GRID2: variants seen among roughly 807,000 people sequenced by gnomAD.
GRID2 encodes the protein glutamate ionotropic receptor delta type subunit 2, also known as glutamate receptor ionotropic, delta-2.
Under a neutral mutation model 114.8 loss-of-function variants are expected in GRID2, and 33 were observed. The observed-to-expected ratio is 0.29, with a 90% confidence interval of 0.22 to 0.38. The LOEUF (loss-of-function observed/expected upper bound fraction) is 0.38, where lower values mean the gene tolerates loss of function less well. Among genes scored for constraint, GRID2 ranks in the 10% least tolerant of loss-of-function variants. The probability of loss-of-function intolerance (pLI) is 1.00; values close to 1 mark genes in which losing one functional copy is unlikely to be tolerated. For missense variants in GRID2, 1,184 were observed against 1,257.7 expected (o/e 0.94, Z 0.89); for synonymous variants, 505 against 449.9 (o/e 1.12, Z -1.55).
chr4:93,034,190 A>G (rs1413995360), intron 2 of GRID2, among the ~76,000 whole-genome samples: 1 of 152,198 alleles, frequency 6.6e-6, no homozygotes, highest in Non-Finnish European at 1.5e-5. Context: ...TTCCAGTAAC[A>G]TTTAACAACA....
At chr4:92,976,428 G>A (rs1753877614) in intron 2 of GRID2, among the ~76,000 whole-genome samples, 2 of 152,010 alleles carry the variant, frequency 1.3e-5, no homozygotes, top group South Asian at 4.1e-4. Flanking sequence ...TGCAGTTGTA[G>A]CAATTGAACC....
At chr4:92,965,478 A>AAAAAAAAAAAAAAAAAAC (rs1560752180) in intron 2 of GRID2, among the ~76,000 whole-genome samples, 1 of 100,954 alleles carries the variant, frequency 9.9e-6, no homozygotes, top group African/African-American at 3.7e-5. Context: ...AAAAAAAAAA[A>AAAAAAAAAAAAAAAAAAC]AAAAAAAAAA....
chr4:92,657,879 T>G (rs1358359756), intron 2 of GRID2, among the ~76,000 whole-genome samples: 1 of 151,754 alleles, frequency 6.6e-6, no homozygotes, highest in African/African-American at 2.4e-5. Flanking sequence ...CTGTGCATGC[T>G]GTGGCAAATT....
intron 8 of GRID2, among the ~76,000 whole-genome samples, chr4:93,316,324 GAAAGAAAGAAAGA>G (rs1756631558): frequency 4.0e-5 from 2 of 49,572 alleles, no homozygotes; most frequent in Non-Finnish European, 8.0e-5. Flanking sequence ...AAGAAAGAAA[GAAAGAAAGAAAGA>G]AAGAAGGAAG....
intron 2 of GRID2, among the ~76,000 whole-genome samples, chr4:92,875,029 A>G (rs1745519528): frequency 6.6e-6 from 1 of 152,172 alleles, no homozygotes; most frequent in Admixed American, 6.6e-5. Context: ...TTGTAATTAG[A>G]AAACAACTGG....
intron 13 of GRID2, among the ~76,000 whole-genome samples, chr4:93,519,528 C>A (rs916569062): frequency 6.6e-6 from 1 of 152,220 alleles, no homozygotes; most frequent in East Asian, 1.9e-4. Flanking sequence ...AGGTAAGGAT[C>A]TGACCAGAAA....
intron 1 of GRID2, among the ~76,000 whole-genome samples, chr4:92,483,159 G>A (rs994006099): frequency 3.9e-5 from 6 of 152,034 alleles, no homozygotes; most frequent in African/African-American, 1.2e-4. Flanking sequence ...CCAATATGGC[G>A]AAAACCTGTC....
rs1734304883 is a variant in GRID2 at position 93,774,418 on chromosome 4, A to G, written c.*1920A>G. 1 of 152,152 alleles carries G rather than the reference A, an allele frequency of 6.6e-6. No individual in the cohort carries two copies. The highest frequency in any genetic ancestry group is 6.5e-5 in the Admixed American group (1 of 15,274). The allele number at this position is 152,152 out of a possible 1,614,324, so 9.4% of individuals were successfully genotyped here. The stretch of plus-strand genomic sequence containing the variant: ...ATCAACAAACTGTTAACCATGTACA[A>G]TATTTAAAATAGGCTTATTTTGATG... On this transcript the variant is annotated 3_prime_UTR_variant, in exon 16 of 16. Coordinates refer to ENST00000282020, the MANE Select transcript of GRID2 (RefSeq NM_001510.4).
At chr4:93,774,904 C>CA (rs995529343), downstream of GRID2, among the ~76,000 whole-genome samples, 17 of 150,170 alleles carry the variant, frequency 1.1e-4, 1 homozygote, top group East Asian at 2.7e-3. Flanking sequence ...TGTGTTACAT[C>CA]AAAAAAAATA....
intron 10 of GRID2, among the ~76,000 whole-genome samples, chr4:93,442,072 GT>G (rs1163059405): frequency 6.6e-6 from 1 of 152,002 alleles, no homozygotes; most frequent in African/African-American, 2.4e-5. Flanking sequence ...CTGGGAGCTA[GT>G]TATCTTCTTA....
chr4:93,273,824 A>G (rs77668969), intron 8 of GRID2, among the ~76,000 whole-genome samples: 3,549 of 152,272 alleles, frequency 0.023, 86 homozygotes, highest in Admixed American at 0.057. Context: ...ACCTCAGAGA[A>G]CTGCAAGGAA....
chr4:93,085,324 A>C, intron 3 of GRID2, 45 bp downstream of exon 3: 1 of 1,397,472 alleles, frequency 7.2e-7, no homozygotes, highest in Non-Finnish European at 1.0e-6. Flanking sequence ...TGATATTTGC[A>C]TGAGAAGCAA....
intron 4 of GRID2, among the ~76,000 whole-genome samples, chr4:93,136,831 A>G (rs1390548295): frequency 6.6e-6 from 1 of 152,186 alleles, no homozygotes; most frequent in Non-Finnish European, 1.5e-5. Context: ...GATAAAAGGA[A>G]CAATGATCAG....
At chr4:93,125,138 T>C (rs1405671731) in intron 4 of GRID2, among the ~76,000 whole-genome samples, 5 of 152,086 alleles carry the variant, frequency 3.3e-5, no homozygotes, top group Non-Finnish European at 7.4e-5. Flanking sequence ...ATTCAGATTA[T>C]CAATGCTTAT....
chr4:92,759,033 A>C (rs1024602289), intron 2 of GRID2, among the ~76,000 whole-genome samples: 12 of 152,194 alleles, frequency 7.9e-5, no homozygotes, highest in African/African-American at 2.9e-4. Flanking sequence ...TTCATTTGAA[A>C]AACAGTCAGT....
rs906832298 is a variant in GRID2, at chr4:92,362,009, G to A, written c.88+57265G>A. ...AGAAGAGAAAAATCCAAGTATTTCT[G>A]TTTCTCATTCAAACCCAGATGGAAA... On this transcript the variant is annotated intron_variant, in intron 1 of 15. Transcript: ENST00000282020. 3.3e-5 allele frequency among the ~76,000 whole-genome samples: 5 copies of A among 151,950 alleles called. No individual in the cohort carries two copies. In the East Asian group the frequency reaches 9.7e-4, roughly 29 times the overall value.
intron 2 of GRID2, among the ~76,000 whole-genome samples, chr4:92,690,221 G>GTA (rs1289484980): frequency 2.0e-5 from 3 of 151,696 alleles, no homozygotes; most frequent in Admixed American, 1.3e-4. Context: ...AAGAAAAAAA[G>GTA]TATATGACTC....
intron 8 of GRID2, among the ~76,000 whole-genome samples, chr4:93,312,293 A>G (rs1377444629): frequency 2.0e-5 from 3 of 152,168 alleles, no homozygotes; most frequent in African/African-American, 7.2e-5. Flanking sequence ...ATTAAGTTTG[A>G]GTTTTTCTGT....
intron 1 of GRID2, among the ~76,000 whole-genome samples, chr4:93,790,224 C>T (rs1335214620): frequency 1.3e-5 from 2 of 151,936 alleles, no homozygotes; most frequent in African/African-American, 4.8e-5. Context: ...CAGAAAATTC[C>T]AAGCATTCTA....
Sources: gnomAD v4.1 joint callset for allele counts (sites outside exome capture counted in the v4.1 genomes callset) on GRCh38, gnomAD v4.1.1 for gene constraint, MANE v1.5 for transcripts, NCBI Gene and HGNC (gene_info 2026-07-23, HGNC 2026-07-21) for gene names.